The following CYP4Z1 variants were observed in gnomAD, a reference collection of about 807,000 sequenced individuals.
CYP4Z1 encodes the protein cytochrome P450 family 4 subfamily Z member 1.
Under a neutral mutation model 54.2 loss-of-function variants are expected in CYP4Z1, and 41 were observed. That is an observed-to-expected ratio of 0.76 (90% CI 0.59 to 0.98). The LOEUF is 0.98. CYP4Z1 is among the 50% of genes least tolerant of loss of function. The pLI, the probability that CYP4Z1 is intolerant of heterozygous loss-of-function variation, is 0.00. For missense variants in CYP4Z1, 513 were observed against 599.0 expected (o/e 0.86, Z 1.50); for synonymous variants, 163 against 206.2 (o/e 0.79, Z 1.79).
intron 6 of CYP4Z1, among the ~76,000 whole-genome samples, chr1:47,089,181 C>T (rs577330072): frequency 1.3e-5 from 2 of 151,856 alleles, no homozygotes; most frequent in South Asian, 4.2e-4. Context: ...CTAGAAATTA[C>T]AACATGTAGT....
At chr1:47,098,364 T>G (rs1211357214) in intron 7 of CYP4Z1, among the ~76,000 whole-genome samples, 1 of 152,228 alleles carries the variant, frequency 6.6e-6, no homozygotes, top group Non-Finnish European at 1.5e-5. Context: ...CTACATATTT[T>G]ATTCTTTTGT....
intron 6 of CYP4Z1, among the ~76,000 whole-genome samples, chr1:47,086,947 G>A: frequency 6.6e-6 from 1 of 152,170 alleles, no homozygotes; most frequent in Non-Finnish European, 1.5e-5. Flanking sequence ...TTATTAAATA[G>A]GGAATCCTTT....
intron 8 of CYP4Z1, among the ~76,000 whole-genome samples, chr1:47,102,306 G>A (rs1644727324): frequency 6.6e-6 from 1 of 151,980 alleles, no homozygotes. Context: ...TTGATTTCTG[G>A]TTGTTTTGTA....
At chr1:47,065,106 C>T (rs940067780), upstream of CYP4Z1, among the ~76,000 whole-genome samples, 1 of 152,164 alleles carries the variant, frequency 6.6e-6, no homozygotes, top group Non-Finnish European at 1.5e-5. Context: ...ACTCCATGGA[C>T]AGCACTAGAC....
chr1:47,109,052 A>G (rs548482890), intron 9 of CYP4Z1, among the ~76,000 whole-genome samples: 9 of 152,142 alleles, frequency 5.9e-5, no homozygotes, highest in Admixed American at 2.6e-4. Flanking sequence ...AAGATAAATC[A>G]TAAGTCTAGG....
chr1:47,106,004 G>A (rs1484217626), intron 8 of CYP4Z1, 124 bp from the exon 9 acceptor site: 1 of 1,184,924 alleles, frequency 8.4e-7, no homozygotes, highest in African/African-American at 1.6e-5. Flanking sequence ...TGATACATCT[G>A]AAGTCCTCCT....
At chr1:47,092,692 G>A (rs931603392) in intron 6 of CYP4Z1, among the ~76,000 whole-genome samples, 1 of 152,014 alleles carries the variant, frequency 6.6e-6, no homozygotes, top group Non-Finnish European at 1.5e-5. Context: ...CCCTTTTGGT[G>A]TATTATAGGA....
At chr1:47,097,429 TG>T (rs1395294352) in intron 7 of CYP4Z1, among the ~76,000 whole-genome samples, 2 of 152,216 alleles carry the variant, frequency 1.3e-5, no homozygotes, top group African/African-American at 4.8e-5. Context: ...GATTTTTGTC[TG>T]GGGTTTTTAT....
chr1:47,093,612 A>G (rs1042107153), intron 6 of CYP4Z1, among the ~76,000 whole-genome samples: 2 of 152,186 alleles, frequency 1.3e-5, no homozygotes, highest in Non-Finnish European at 2.9e-5. Flanking sequence ...CCCCTTACTA[A>G]GTACCATTTT....
chr1:47,104,001 G>T (rs532067958), intron 8 of CYP4Z1, among the ~76,000 whole-genome samples: 1 of 152,168 alleles, frequency 6.6e-6, no homozygotes, highest in East Asian at 1.9e-4. Flanking sequence ...GTGTTGTTTT[G>T]GAGGTGTCAT....
rs1312512090 is a variant in CYP4Z1, at chr1:47,106,191, A to G, written c.1131A>G (p.Ala377=). 6.2e-7 allele frequency: 1 copy of G among 1,613,930 alleles called. No homozygotes were observed. Among genetic ancestry groups the G allele is most frequent in the Non-Finnish European group, 8.5e-7 (1 of 1,179,962 alleles). Residue 377 remains alanine (A), a synonymous_variant, in exon 9 of 12, where the codon GCA becomes GCG. Transcript: ENST00000334194. The part of the protein sequence containing the change: ...MCIKECLRLY[A]PVVNISRLLD... ...TCAAGGAATGCCTCCGCCTCTACGC[A>G]CCGGTAGTAAACATATCCCGGTTAC...
intron 6 of CYP4Z1, 141 bp downstream of exon 6, chr1:47,085,119 A>C: frequency 1.6e-6 from 1 of 619,116 alleles, no homozygotes; most frequent in Non-Finnish European, 2.8e-6. Context: ...CTCTTAAATG[A>C]ATGTGCTACA....
chr1:47,066,450 A>G (rs1456468381), upstream of CYP4Z1, among the ~76,000 whole-genome samples: 1 of 152,212 alleles, frequency 6.6e-6, no homozygotes, highest in Non-Finnish European at 1.5e-5. Context: ...CAGAAAAAGC[A>G]TTTAACAAAA....
intron 8 of CYP4Z1, among the ~76,000 whole-genome samples, chr1:47,099,863 AGATGTATAGCTT>A (rs753189724): frequency 1.3e-5 from 2 of 152,266 alleles, no homozygotes; most frequent in Non-Finnish European, 2.9e-5. Flanking sequence ...TACAGGGAAC[AGATGTATAGCTT>A]AAAATGTTGT....
At chr1:47,092,007 G>A (rs896727222) in intron 6 of CYP4Z1, among the ~76,000 whole-genome samples, 23 of 152,126 alleles carry the variant, frequency 1.5e-4, no homozygotes, top group African/African-American at 5.5e-4. Flanking sequence ...TGCTGTAATA[G>A]CAGTTTGAGC....
At chr1:47,114,464 GAGCTTCTGCAC>G (rs1394352353) in intron 9 of CYP4Z1, among the ~76,000 whole-genome samples, 8 of 152,162 alleles carry the variant, frequency 5.3e-5, no homozygotes, top group Non-Finnish European at 1.0e-4. Context: ...TTAAACTAAA[GAGCTTCTGCAC>G]AGCAAAAGAA....
At chr1:47,077,429 T>C (rs1228264970) in intron 2 of CYP4Z1, among the ~76,000 whole-genome samples, 1 of 152,138 alleles carries the variant, frequency 6.6e-6, no homozygotes, top group African/African-American at 2.4e-5. Flanking sequence ...TTTTCTACCC[T>C]TTTACTTTTA....
chr1:47,105,918 C>T (rs1280832113), intron 8 of CYP4Z1, among the ~76,000 whole-genome samples: 1 of 150,330 alleles, frequency 6.7e-6, no homozygotes, highest in Non-Finnish European at 1.5e-5. Flanking sequence ...CCTATATCTG[C>T]GGGGGGGGGA....
upstream of CYP4Z1, among the ~76,000 whole-genome samples, chr1:47,062,887 G>A (rs374549310): frequency 2.9e-4 from 44 of 152,284 alleles, no homozygotes; most frequent in Middle Eastern, 3.4e-3. Flanking sequence ...GACCACAGCT[G>A]ATGCACTCTT....
Sources: gnomAD v4.1 joint callset for allele counts (sites outside exome capture counted in the v4.1 genomes callset) on GRCh38, gnomAD v4.1.1 for gene constraint, MANE v1.5 for transcripts, NCBI Gene and HGNC (gene_info 2026-07-23, HGNC 2026-07-21) for gene names.